Variants in DNAH5 observed in about 807,000 individuals in gnomAD.
DNAH5 encodes dynein axonemal heavy chain 5, also known as axonemal beta dynein heavy chain 5.
In DNAH5, 372 loss-of-function variants were observed where a neutral mutation model predicts 518.2. That is an observed-to-expected ratio of 0.72 (90% CI 0.66 to 0.78). The LOEUF is 0.78. Among genes scored for constraint, DNAH5 ranks in the 30% least tolerant of loss-of-function variants. DNAH5 has a pLI of 0.00. For missense variants in DNAH5, 5,523 were observed against 5,687.0 expected, an observed-to-expected ratio of 0.97 and a Z score of 0.93; for synonymous variants, 2,039 against 2,025.9, an observed-to-expected ratio of 1.01 and a Z score of -0.17.
At chr5:13,844,061 T>C (rs1021878515) in intron 32 of DNAH5, among the ~76,000 whole-genome samples, 1 of 152,184 alleles carries the variant, frequency 6.6e-6, no homozygotes, top group African/African-American at 2.4e-5. Flanking sequence ...TCGAATGGAA[T>C]AGCTCTAACA....
At chr5:13,973,114 A>G (rs1781996073) in intron 1 of DNAH5, among the ~76,000 whole-genome samples, 1 of 152,198 alleles carries the variant, frequency 6.6e-6, no homozygotes, top group Non-Finnish European at 1.5e-5. Context: ...AAGGATCTCC[A>G]TAAGTGGAAG....
At chr5:13,990,445 C>A (rs1188280408) in intron 1 of DNAH5, among the ~76,000 whole-genome samples, 1 of 151,922 alleles carries the variant, frequency 6.6e-6, no homozygotes, top group African/African-American at 2.4e-5. Context: ...CCCAGCTACT[C>A]GGGAGGCTGA....
At chr5:13,846,872 A>G (rs1193692305) in intron 31 of DNAH5, among the ~76,000 whole-genome samples, 2 of 152,182 alleles carry the variant, frequency 1.3e-5, no homozygotes, top group African/African-American at 4.8e-5. Flanking sequence ...TATAATGTTT[A>G]CTTTTGTTTT....
chr5:13,831,274 CTA>C (rs1337031248), intron 35 of DNAH5, among the ~76,000 whole-genome samples: 1 of 152,198 alleles, frequency 6.6e-6, no homozygotes, highest in Non-Finnish European at 1.5e-5. Context: ...CACCTTGAAT[CTA>C]TTTCTGTGAG....
At chr5:13,953,414 A>T (rs1038234824) in intron 1 of DNAH5, among the ~76,000 whole-genome samples, 5 of 152,208 alleles carry the variant, frequency 3.3e-5, no homozygotes, top group African/African-American at 7.2e-5. Context: ...AACAGTTAAC[A>T]TTGGGCCTTA....
Position 13,700,692 on chromosome 5 carries a change from T to C in DNAH5, c.13671A>G (p.Pro4557=). Reference sequence around the variant, plus strand: ...CAGGCATCAACTCAAAGAGCACTTTTGGCTTTGATTCAATGAGTTTCATGT... The same window carrying C: ...CAGGCATCAACTCAAAGAGCACTTTCGGCTTTGATTCAATGAGTTTCATGT... ...KRNMKLIESK[P]KVLFELMPVI... is the part of the protein sequence containing the mutation. The change falls in exon 78 of 79, where the codon CCA becomes CCG. Residue 4557 remains proline, a synonymous_variant. Coordinates refer to ENST00000265104, the MANE Select transcript of DNAH5 (RefSeq NM_001369.3). The C allele has an allele frequency of 6.2e-7, 1 of 1,614,232 alleles. No individual in the cohort carries two copies.
chr5:13,762,818 A>T lies in DNAH5; in HGVS notation c.10185T>A (p.Thr3395=). 6.2e-7 allele frequency: 1 copy of T among 1,614,104 alleles called. No individual in the cohort carries two copies. The highest frequency in any genetic ancestry group is 1.1e-5 in the South Asian group (1 of 91,084). The stretch of plus-strand genomic sequence containing the variant: ...CTACATTTCCACATACGCGTTTAGC[A>T]GTTTCGATGTTATAGTCAGGCATTT... The part of the protein sequence containing the change: ...YFEMPDYNIE[T]AKRVCGNVAG... The change falls in exon 60 of 79, where the codon ACT becomes ACA. Residue 3395 remains threonine, a synonymous_variant. Transcript: ENST00000265104.
chr5:13,895,603 CTTGTTGCCA>C (rs1773813886), intron 15 of DNAH5, among the ~76,000 whole-genome samples: 36 of 152,222 alleles, frequency 2.4e-4, no homozygotes, highest in African/African-American at 8.2e-4. Flanking sequence ...TAGGCCAAAT[CTTGTTGCCA>C]AGACCCAAAG....
chr5:13,824,261 G>C lies in DNAH5; in HGVS notation c.6517C>G (p.Pro2173Ala), dbSNP rs771337839. 4.3e-6 allele frequency: 7 copies of C among 1,614,066 alleles called. No homozygotes were observed. The Admixed American group carries it at 1.2e-4, about 27-fold the overall frequency. The stretch of plus-strand genomic sequence containing the variant: ...ACAATCGTGGACTCCGTATCCATTG[G>C]ATTGGCTCTTTTTGCTGCTCCCAAG... The part of the protein sequence containing the change: ...RTLGAAKRAN[P>A]MDTESTIVMR... The change falls in exon 39 of 79, where the codon CCA (proline) becomes GCA (alanine). Residue 2173 changes from proline to alanine, a missense_variant. By Grantham distance (27) the Pro-to-Ala change is conservative (BLOSUM62 -1). Transcript: ENST00000265104.
rs141808202 is a variant in DNAH5 at position 13,778,808 on chromosome 5, A to G, written c.8952-1453T>C. ...CCACATGGCTATACAAAGCCTTTAG[A>G]AGTTTGATAACATCTTGAAAGCTAT... On this transcript the variant is annotated intron_variant, in intron 53 of 78. Coordinates refer to ENST00000265104, the MANE Select transcript of DNAH5 (RefSeq NM_001369.3). Among the ~76,000 whole-genome samples, 354 of 152,284 alleles carry G rather than the reference A, an allele frequency of 2.3e-3. 4 individuals carry two copies. The highest frequency in any genetic ancestry group is 8.3e-3 in the African/African-American group (344 of 41,544).
intron 78 of DNAH5, among the ~76,000 whole-genome samples, chr5:13,696,968 T>C (rs1210711357): frequency 1.3e-5 from 2 of 152,226 alleles, no homozygotes; most frequent in Non-Finnish European, 2.9e-5. Flanking sequence ...AAATCTGTTC[T>C]TAAATCATAA....
chr5:13,858,257 T>C (rs550127343), intron 30 of DNAH5, among the ~76,000 whole-genome samples: 17 of 152,194 alleles, frequency 1.1e-4, no homozygotes, highest in Non-Finnish European at 2.4e-4. Flanking sequence ...GAGGAATCCA[T>C]GTCCTTTGCA....
intron 12 of DNAH5, among the ~76,000 whole-genome samples, chr5:13,904,350 A>G (rs1376791826): frequency 6.7e-6 from 1 of 149,066 alleles, no homozygotes; most frequent in African/African-American, 2.4e-5. Context: ...ATATAGAGAG[A>G]TATGGATTAT....
chr5:13,795,971 C>A (rs1757757581), intron 47 of DNAH5, among the ~76,000 whole-genome samples: 1 of 152,162 alleles, frequency 6.6e-6, no homozygotes, highest in Non-Finnish European at 1.5e-5. Context: ...TCAATAGATG[C>A]AGAAAAGGCC....
At chr5:13,793,442 T>C in intron 49 of DNAH5, 73 bp downstream of exon 49, 1 of 1,309,874 alleles carries the variant, frequency 7.6e-7, no homozygotes, top group Admixed American at 1.7e-5. Flanking sequence ...GGGTCTTGGG[T>C]GAAGATTTTC....
Position 13,839,460 on chromosome 5 carries a change from T to C in DNAH5, c.5778A>G (p.Glu1926=). The C allele has an allele frequency of 6.2e-7, 1 of 1,614,072 alleles. No homozygotes were observed. ...WLKQCRFYFN[E]DSDKMMIHIT... is the part of the protein sequence containing the mutation. ...TGTGAATCATCATCTTGTCAGAATC[T>C]TCGTTAAAGTAAAATCTGCACTGTT... Residue 1926 remains glutamate (E), a synonymous_variant, in exon 35 of 79, where the codon GAA becomes GAG. Coordinates refer to ENST00000265104, the MANE Select transcript of DNAH5 (RefSeq NM_001369.3).
chr5:13,982,255 C>T (rs1344993754), intron 1 of DNAH5, among the ~76,000 whole-genome samples: 1 of 152,218 alleles, frequency 6.6e-6, no homozygotes, highest in African/African-American at 2.4e-5. Flanking sequence ...TTTGTTACAC[C>T]CTCATGCCCA....
intron 1 of DNAH5, among the ~76,000 whole-genome samples, chr5:13,976,380 C>T (rs1782242514): frequency 6.6e-6 from 1 of 152,166 alleles, no homozygotes; most frequent in Non-Finnish European, 1.5e-5. Flanking sequence ...AAATCTCACT[C>T]ACACTCGTGC....
upstream of DNAH5, among the ~76,000 whole-genome samples, chr5:13,948,233 CAG>C (rs1263761901): frequency 1.3e-5 from 2 of 152,236 alleles, no homozygotes; most frequent in Non-Finnish European, 2.9e-5. Flanking sequence ...CCAGAAGAGT[CAG>C]ACCCTACATG....
Sources: gnomAD v4.1 joint callset for allele counts (sites outside exome capture counted in the v4.1 genomes callset) on GRCh38, gnomAD v4.1.1 for gene constraint, MANE v1.5 for transcripts, NCBI Gene and HGNC (gene_info 2026-07-23, HGNC 2026-07-21) for gene names.